The following CDH13 variants were observed in gnomAD, a reference collection of about 807,000 sequenced individuals.
The protein encoded by CDH13 is cadherin-13.
A neutral mutation model predicts 63.8 loss-of-function variants in CDH13; 24 were observed. That is an observed-to-expected ratio of 0.38 (90% confidence interval 0.27 to 0.53). The LOEUF is 0.53. Ranked by LOEUF, CDH13 falls within the 20% of genes least tolerant of loss-of-function variation. CDH13 has a pLI of 0.85. For missense variants in CDH13, 1,049 were observed against 903.1 expected (o/e 1.16, Z -2.07); for synonymous variants, 503 against 355.3 (o/e 1.42, Z -4.67).
chr16:82,781,503 G>A (rs8054922), intron 1 of CDH13, among the ~76,000 whole-genome samples: 12,765 of 151,856 alleles, frequency 0.084, 625 homozygotes, highest in East Asian at 0.23. Context: ...CTACCCATCT[G>A]TCCACCCACT....
chr16:83,095,848 G>C lies in CDH13; in HGVS notation c.367-29537G>C, dbSNP rs188846936. Among the ~76,000 whole-genome samples, 184 of 152,270 alleles carry C rather than the reference G, an allele frequency of 1.2e-3. 1 individual carries two copies. Among genetic ancestry groups the C allele is most frequent in the South Asian group, 1.0e-2 (48 of 4,822 alleles). On this transcript the variant is annotated intron_variant, in intron 3 of 13. Coordinates refer to ENST00000567109, the MANE Select transcript of CDH13 (RefSeq NM_001257.5). ...GTGTCTTTTCTTAAAGGCAATAGAG[G>C]CATGCAGTGAATAAAATGCACTGAG...
intron 7 of CDH13, among the ~76,000 whole-genome samples, chr16:83,487,397 G>A (rs746105704): frequency 1.2e-4 from 19 of 152,278 alleles, no homozygotes; most frequent in East Asian, 1.9e-4. Flanking sequence ...GTGCACTATC[G>A]GTGGTGTGAG....
At chr16:83,345,071 A>T (rs2090810395) in intron 6 of CDH13, 65 bp downstream of exon 6, 2 of 1,561,740 alleles carry the variant, frequency 1.3e-6, no homozygotes, top group Admixed American at 1.7e-5. Context: ...ATCTTTGTGG[A>T]TTCTAGGGAC....
chr16:83,320,020 G>T (rs914072329), intron 5 of CDH13, among the ~76,000 whole-genome samples: 16 of 152,162 alleles, frequency 1.1e-4, no homozygotes, highest in Admixed American at 9.8e-4. Flanking sequence ...TCACACCTCA[G>T]TTAGACTTGG....
rs571454588 is a variant in CDH13, at chr16:83,792,097, C to G, written c.2135-2926C>G. Among the ~76,000 whole-genome samples the G allele has an allele frequency of 5.9e-5, 9 of 152,262 alleles. No individual in the cohort carries two copies. In the East Asian group the frequency reaches 9.6e-4, roughly 16 times the overall value. On this transcript the variant is annotated intron_variant, in intron 13 of 13. Coordinates refer to ENST00000567109, the MANE Select transcript of CDH13 (RefSeq NM_001257.5). ...TCTTAAAGTGTACCAGTATTTTGTT[C>G]CTTTCTATTGCGAAACGTATTATGG...
chr16:83,124,293 G>T (rs1242680368), intron 3 of CDH13, among the ~76,000 whole-genome samples: 6 of 152,092 alleles, frequency 3.9e-5, no homozygotes, highest in Admixed American at 3.9e-4. Context: ...AGATCGGCCT[G>T]CCCTGGCCTC....
intron 5 of CDH13, among the ~76,000 whole-genome samples, chr16:83,304,619 T>C (rs1368435036): frequency 6.6e-6 from 1 of 152,192 alleles, no homozygotes; most frequent in East Asian, 1.9e-4. Flanking sequence ...AAATGAGTAT[T>C]GTTTTAATAA....
intron 8 of CDH13, among the ~76,000 whole-genome samples, chr16:83,667,639 T>C (rs1228349174): frequency 2.6e-5 from 4 of 152,164 alleles, no homozygotes; most frequent in Non-Finnish European, 5.9e-5. Flanking sequence ...AATAAATTTT[T>C]AATTCTTTTC....
chr16:83,566,612 T>C (rs1326216331), intron 7 of CDH13, among the ~76,000 whole-genome samples: 1 of 152,138 alleles, frequency 6.6e-6, no homozygotes, highest in Non-Finnish European at 1.5e-5. Flanking sequence ...AGGCATGGGT[T>C]TACCCTCCTT....
At position 83,315,656 on chromosome 16, in the gene CDH13, G is replaced by T. The variant is rs79590258; in HGVS notation, c.637-29206G>T. Among the ~76,000 whole-genome samples the T allele has an allele frequency of 5.2e-3, 775 of 150,102 alleles. 6 individuals carry two copies. The highest frequency in any genetic ancestry group is 0.016 in the East Asian group (82 of 5,060). On this transcript the variant is annotated intron_variant, in intron 5 of 13. Coordinates refer to ENST00000567109, the MANE Select transcript of CDH13 (RefSeq NM_001257.5). The stretch of plus-strand genomic sequence containing the variant: ...ACTCTGGATTTAAAAAAAAAAAACA[G>T]CTCTAAGAAAATTTTTAATTTTTTT...
At chr16:83,142,362 A>G (rs1191986072) in intron 4 of CDH13, among the ~76,000 whole-genome samples, 1 of 151,882 alleles carries the variant, frequency 6.6e-6, no homozygotes, top group Non-Finnish European at 1.5e-5. Context: ...GGGTTTTGCC[A>G]TGTTGGCCAG....
At chr16:82,794,128 G>A (rs959982081) in intron 1 of CDH13, among the ~76,000 whole-genome samples, 12 of 151,916 alleles carry the variant, frequency 7.9e-5, no homozygotes, top group East Asian at 1.9e-4. Context: ...ACACAAGTTC[G>A]TAAAGTTTCT....
intron 7 of CDH13, among the ~76,000 whole-genome samples, chr16:83,487,509 C>T (rs2073917434): frequency 6.6e-6 from 1 of 152,122 alleles, no homozygotes. Flanking sequence ...TCTGGTCCTG[C>T]CCTTTCCTGA....
intron 11 of CDH13, among the ~76,000 whole-genome samples, chr16:83,772,161 G>T (rs1567585650): frequency 2.6e-5 from 4 of 152,150 alleles, no homozygotes; most frequent in Non-Finnish European, 5.9e-5. Flanking sequence ...ATTAAGAAAA[G>T]AAGTAGTATA....
At chr16:83,176,293 C>G (rs952544980) in intron 4 of CDH13, among the ~76,000 whole-genome samples, 2 of 151,936 alleles carry the variant, frequency 1.3e-5, no homozygotes, top group Non-Finnish European at 2.9e-5. Context: ...AGGCAGACCA[C>G]GAGGTCAGGA....
At chr16:82,861,562 T>C (rs1019706505) in intron 2 of CDH13, among the ~76,000 whole-genome samples, 1 of 152,226 alleles carries the variant, frequency 6.6e-6, no homozygotes, top group African/African-American at 2.4e-5. Context: ...TTTCCTTTTA[T>C]CCTTTTTCAT....
At chr16:83,397,340 T>G (rs1298028133) in intron 6 of CDH13, 2 of 152,212 alleles carry the variant, frequency 1.3e-5, no homozygotes, top group Admixed American at 6.5e-5. Context: ...CAAGGTATGT[T>G]CTCACTTTGT....
chr16:83,004,353 G>C (rs1310150319), intron 2 of CDH13, among the ~76,000 whole-genome samples: 1 of 152,196 alleles, frequency 6.6e-6, no homozygotes, highest in Non-Finnish European at 1.5e-5. Flanking sequence ...ATCCAAATCA[G>C]TTAGGATATT....
intron 1 of CDH13, among the ~76,000 whole-genome samples, chr16:82,661,653 G>A (rs571874595): frequency 6.6e-6 from 1 of 152,244 alleles, no homozygotes; most frequent in Non-Finnish European, 1.5e-5. Context: ...GAGGTTCCAT[G>A]CCTTAAGGCT....
Sources: gnomAD v4.1 joint callset for allele counts (sites outside exome capture counted in the v4.1 genomes callset) on GRCh38, gnomAD v4.1.1 for gene constraint, MANE v1.5 for transcripts, NCBI Gene and HGNC (gene_info 2026-07-23, HGNC 2026-07-21) for gene names.